Variants in NLRP4 observed in about 807,000 individuals in gnomAD.
NLRP4 encodes the protein NACHT, LRR and PYD domains-containing protein 4.
Under a neutral mutation model 84.7 loss-of-function variants are expected in NLRP4, and 44 were observed. The ratio of observed to expected loss-of-function variants is 0.52; its 90% CI spans 0.41 to 0.67. NLRP4 has a LOEUF of 0.67. Among genes scored for constraint, NLRP4 ranks in the 30% least tolerant of loss-of-function variants. The probability of loss-of-function intolerance (pLI) is 0.00; values close to 1 mark genes in which losing one functional copy is unlikely to be tolerated. For synonymous variants in NLRP4, 544 were observed against 476.4 expected, an observed-to-expected ratio of 1.14 and a Z score of -1.85; for missense variants, 1,260 against 1,219.4, an observed-to-expected ratio of 1.03 and a Z score of -0.50.
At chr19:55,860,235 T>C (rs1984695705) in intron 3 of NLRP4, among the ~76,000 whole-genome samples, 1 of 152,060 alleles carries the variant, frequency 6.6e-6, no homozygotes, top group Non-Finnish European at 1.5e-5. Flanking sequence ...TCTGCCCACC[T>C]CGGCCTCTCA....
chr19:55,840,197 T>G (rs1983552820), intron 1 of NLRP4, among the ~76,000 whole-genome samples: 1 of 152,238 alleles, frequency 6.6e-6, no homozygotes, highest in Non-Finnish European at 1.5e-5. Context: ...CCATTGTTTT[T>G]AAGCCCTTTA....
At chr19:55,856,756 T>C (rs1485806413) in intron 2 of NLRP4, among the ~76,000 whole-genome samples, 3 of 152,234 alleles carry the variant, frequency 2.0e-5, no homozygotes, top group East Asian at 1.9e-4. Context: ...CTTCATGATC[T>C]GCCCACCTTG....
chr19:55,859,831 G>A (rs1984653945), intron 3 of NLRP4, among the ~76,000 whole-genome samples: 1 of 147,914 alleles, frequency 6.8e-6, no homozygotes, highest in South Asian at 2.2e-4. Context: ...GGAGGCTGAG[G>A]CCGGAGAATC....
intron 1 of NLRP4, among the ~76,000 whole-genome samples, chr19:55,850,254 G>A (rs867317903): frequency 1.2e-4 from 14 of 113,990 alleles, no homozygotes; most frequent in African/African-American, 5.1e-4. Flanking sequence ...AATTTCCGAG[G>A]CTGCGGTGTA....
At position 55,863,130 on chromosome 19, in the gene NLRP4, A is replaced by T. The variant is rs73935427; in HGVS notation, c.2186+971A>T. On this transcript the variant is annotated intron_variant, in intron 5 of 9. Transcript: ENST00000301295. ...ACCTGTGGTTACATGCTCCTGTTCC[A>T]TGAGAAAGAACACTCTCGGTCGTAT... Among the ~76,000 whole-genome samples the T allele has an allele frequency of 8.5e-3, 1,297 of 152,328 alleles. 13 individuals carry two copies. The highest frequency in any genetic ancestry group is 0.028 in the African/African-American group (1,174 of 41,566).
chr19:55,859,718 A>G (rs1984647310), intron 3 of NLRP4, among the ~76,000 whole-genome samples: 1 of 151,792 alleles, frequency 6.6e-6, no homozygotes, highest in Admixed American at 6.6e-5. Flanking sequence ...ACTTAAGGTC[A>G]GGAGTTCGAG....
rs1277937860 is a variant in NLRP4 at position 55,837,059 on chromosome 19, AT to A, written c.-66+126del. On this transcript the variant is annotated intron_variant, in intron 1 of 9. Transcript: ENST00000301295. ...TTCCAGAATGTGATTTAAAAAGAAA[AT>A]CACACTTCTAGTTGACTCATACTAA... The A allele has an allele frequency of 5.9e-5, 9 of 152,244 alleles. 1 individual carries two copies. Among genetic ancestry groups the A allele is most frequent in the African/African-American group, 2.2e-4 (9 of 41,542 alleles). 9.4% of individuals were successfully genotyped at this position (152,244 alleles called of 1,614,324 possible).
chr19:55,847,357 A>G (rs766143513), intron 1 of NLRP4, among the ~76,000 whole-genome samples: 2 of 152,194 alleles, frequency 1.3e-5, no homozygotes, highest in Non-Finnish European at 2.9e-5. Flanking sequence ...AGCATAATTG[A>G]TTATCATGAG....
At position 55,866,116 on chromosome 19, in the gene NLRP4, C is replaced by T. The variant is rs368294355; in HGVS notation, c.2187-1593C>T. On this transcript the variant is annotated intron_variant, in intron 5 of 9. Transcript: ENST00000301295. Reference sequence around the variant, plus strand: ...TGGTACAATCTCAGTTCACTAAAACCTCCGCCTCCTGGGTTCAAGTGATTC... The same window carrying T: ...TGGTACAATCTCAGTTCACTAAAACTTCCGCCTCCTGGGTTCAAGTGATTC... Among the ~76,000 whole-genome samples, 26 of 152,176 alleles carry T rather than the reference C, an allele frequency of 1.7e-4. No homozygotes were observed. The South Asian group carries it at 2.9e-3, about 17-fold the overall frequency.
chr19:55,840,650 G>A (rs1170262409), intron 1 of NLRP4, among the ~76,000 whole-genome samples: 2 of 152,120 alleles, frequency 1.3e-5, no homozygotes, highest in Middle Eastern at 3.4e-3. Flanking sequence ...CGCCCACCTC[G>A]GCCTCCCAAA....
At chr19:55,851,994 C>A in intron 1 of NLRP4, 22 bp from the exon 2 acceptor site, 2 of 934,438 alleles carry the variant, frequency 2.1e-6, no homozygotes, top group Non-Finnish European at 3.4e-6. Context: ...AATAACTTGG[C>A]ACTGTCCTGA....
In NLRP4 at chr19:55,867,820, C is replaced by G; in HGVS notation, c.2298C>G (p.Gly766=). Residue 766 remains glycine, a synonymous_variant, in exon 6 of 10, where the codon GGC becomes GGG. Transcript: ENST00000301295. ...TATCCTGCAACCAGTTAGACACAGGCGTGCCCCTTTTGTGTGAAGCCCTGT... is the reference window on the plus strand; with the variant it reads ...TATCCTGCAACCAGTTAGACACAGGGGTGCCCCTTTTGTGTGAAGCCCTGT... The part of the protein sequence containing the change: ...LNVSCNQLDT[G]VPLLCEALCS... 1 of 1,614,150 alleles carries G rather than the reference C, an allele frequency of 6.2e-7. No homozygotes were observed. Among genetic ancestry groups the G allele is most frequent in the Non-Finnish European group, 8.5e-7 (1 of 1,179,996 alleles).
intron 9 of NLRP4, 130 bp from the exon 10 acceptor site, chr19:55,881,340 G>A: frequency 3.4e-6 from 2 of 585,000 alleles, no homozygotes; most frequent in Non-Finnish European, 6.1e-6. Flanking sequence ...TGATGTGTAT[G>A]TCTTTCCTCT....
intron 6 of NLRP4, 75 bp from the exon 7 acceptor site, chr19:55,870,752 A>G: frequency 9.7e-7 from 1 of 1,033,094 alleles, no homozygotes; most frequent in Non-Finnish European, 1.5e-6. Context: ...TATTACCCTG[A>G]ATGTGAAATT....
chr19:55,850,793 GGCT>G (rs1305234365), intron 1 of NLRP4, among the ~76,000 whole-genome samples: 10 of 123,078 alleles, frequency 8.1e-5, no homozygotes, highest in Non-Finnish European at 1.7e-4. Flanking sequence ...TAATTCCCGA[GGCT>G]GCGGTGTAAT....
chr19:55,842,078 T>C (rs938907282), intron 1 of NLRP4, among the ~76,000 whole-genome samples: 11 of 152,372 alleles, frequency 7.2e-5, no homozygotes, highest in African/African-American at 2.4e-4. Context: ...GCCTTTTCTC[T>C]GCATCCTTGC....
rs139166928 is a variant in NLRP4, at chr19:55,849,385, G to A, written c.-65-2631G>A. 3.9e-3 allele frequency among the ~76,000 whole-genome samples: 598 copies of A among 152,300 alleles called. 27 individuals carry two copies. In the South Asian group the frequency reaches 0.099, roughly 25 times the overall value. The stretch of plus-strand genomic sequence containing the variant: ...CGTAGACTAAGACTATACTTCCAGG[G>A]ATCATTTCTATAGTTCACTGCAAAA... On this transcript the variant is annotated intron_variant, in intron 1 of 9. Coordinates refer to ENST00000301295, the MANE Select transcript of NLRP4 (RefSeq NM_134444.5).
Position 55,858,357 on chromosome 19 carries a change from A to G in NLRP4, c.964A>G (p.Met322Val). Reference sequence around the variant, plus strand: ...TTTCTTCAAAGACCCGAAAAGAGCCATGGAAGCCTTCAATCTTGTAAGAGA... The same window carrying G: ...TTTCTTCAAAGACCCGAAAAGAGCCGTGGAAGCCTTCAATCTTGTAAGAGA... Reference protein sequence around the residue: ...CCFFKDPKRAMEAFNLVRESE... With the variant: ...CCFFKDPKRAVEAFNLVRESE... The change falls in exon 3 of 10, where the codon ATG becomes GTG. Residue 322 changes from methionine to valine, a missense_variant. Transcript: ENST00000301295. The surrounding 1 kb of genome is among the most constrained non-coding windows in gnomAD (Gnocchi z 4.2). 6.2e-7 allele frequency: 1 copy of G among 1,614,206 alleles called. No homozygotes were observed. Among genetic ancestry groups the G allele is most frequent in the Non-Finnish European group, 8.5e-7 (1 of 1,180,034 alleles).
intron 6 of NLRP4, 100 bp downstream of exon 6, chr19:55,867,976 G>A (rs889157047): frequency 1.0e-5 from 11 of 1,064,624 alleles, no homozygotes; most frequent in African/African-American, 3.2e-5. Flanking sequence ...GCCACATAGC[G>A]GAGGTTTAAA....
Sources: allele counts gnomAD v4.1 joint callset (sites outside exome capture counted in the v4.1 genomes callset), GRCh38; gene constraint gnomAD v4.1.1; non-coding constraint Gnocchi (gnomAD v3.1); transcripts MANE v1.5; gene names NCBI Gene and HGNC (gene_info 2026-07-23, HGNC 2026-07-21).